Variants in MTDH observed in about 807,000 individuals in gnomAD.
The protein encoded by MTDH is protein LYRIC.
A neutral mutation model predicts 72.7 loss-of-function variants in MTDH; 34 were observed. The observed-to-expected ratio is 0.47, with a 90% CI of 0.36 to 0.62. The LOEUF (loss-of-function observed/expected upper bound fraction) is 0.62, where lower values mean the gene tolerates loss of function less well. MTDH is among the 20% of genes least tolerant of loss of function. The pLI is 0.00. For missense variants in MTDH, 677 were observed against 699.4 expected, an observed-to-expected ratio of 0.97 and a Z score of 0.36; for synonymous variants, 266 against 268.9, an observed-to-expected ratio of 0.99 and a Z score of 0.10.
rs1273015701 is a variant in MTDH at position 97,730,256 on chromosome 8, C to T, written c.*5586C>T. ...ATAATAAAATGAACACATCTGAAAC[C>T]ACCATTCTGCTCAAGAAATATAACA... On this transcript the variant is annotated 3_prime_UTR_variant, in exon 12 of 12. Coordinates refer to ENST00000336273, the MANE Select transcript of MTDH (RefSeq NM_178812.4). Among the ~76,000 whole-genome samples, 2 of 152,032 alleles carry T rather than the reference C, an allele frequency of 1.3e-5. No homozygotes were observed. The highest frequency in any genetic ancestry group is 4.8e-5 in the African/African-American group (2 of 41,408).
intron 2 of MTDH, among the ~76,000 whole-genome samples, chr8:97,669,668 G>C (rs1812533096): frequency 6.6e-6 from 1 of 151,890 alleles, no homozygotes; most frequent in Non-Finnish European, 1.5e-5. Flanking sequence ...TGTAATCCCA[G>C]CACTTTGGGA....
rs374958909 is a variant in MTDH at position 97,691,011 on chromosome 8, G to T, written c.871G>T (p.Val291Leu). The change falls in exon 6 of 12, where the codon GTA becomes TTA. Residue 291 changes from valine (V) to leucine (L), a missense_variant. Val to Leu is a conservative substitution (Grantham distance 32, BLOSUM62 1). Coordinates refer to ENST00000336273, the MANE Select transcript of MTDH (RefSeq NM_178812.4). ...VNGGGWNEKS[V>L]KLSSQISAGE... ...TGGAGGAGGCTGGAATGAAAAGTCT[G>T]TAAAACTCTCCTCACAGATCAGTGC... 1.6e-5 allele frequency: 26 copies of T among 1,613,926 alleles called. No individual in the cohort carries two copies. The highest frequency in any genetic ancestry group is 2.1e-5 in the Non-Finnish European group (25 of 1,179,952).
chr8:97,700,930 A>T (rs1814094532), intron 7 of MTDH, among the ~76,000 whole-genome samples: 1 of 152,124 alleles, frequency 6.6e-6, no homozygotes, highest in Admixed American at 6.6e-5. Flanking sequence ...ATTAAGGGAG[A>T]TGAGGAGAGA....
intron 6 of MTDH, among the ~76,000 whole-genome samples, chr8:97,694,064 C>T (rs577266984): frequency 3.9e-5 from 6 of 152,128 alleles, no homozygotes; most frequent in South Asian, 2.1e-4. Flanking sequence ...ATTAAACATA[C>T]GATTTTTTCT....
In MTDH at chr8:97,665,689, A is replaced by AT. The variant is rs1275569335; in HGVS notation, c.483+4518dup. Among the ~76,000 whole-genome samples, 10 of 152,336 alleles carry AT rather than the reference A, an allele frequency of 6.6e-5. No individual in the cohort carries two copies. The South Asian group carries it at 2.1e-3, about 32-fold the overall frequency. On this transcript the variant is annotated intron_variant, in intron 2 of 11. Transcript: ENST00000336273. ...ATGAACACAACCTGACATTATTTAG[A>AT]TTAAACAAATGGACATATTCAGACA...
rs371347805 is a variant in MTDH, at chr8:97,719,045, A to G, written c.1381-4A>G. 4.1e-5 allele frequency: 65 copies of G among 1,594,432 alleles called. No individual in the cohort carries two copies. The African/African-American group carries it at 4.2e-4, about 10-fold the overall frequency. ...ATAATCTAATAGGTTATTTTTCTCT[A>G]TAGGACACAGAAGAATTAGAAAAAG... On this transcript the variant is annotated splice_polypyrimidine_tract_variant and splice_region_variant and intron_variant, in intron 9 of 11. Coordinates refer to ENST00000336273, the MANE Select transcript of MTDH (RefSeq NM_178812.4).
intron 2 of MTDH, among the ~76,000 whole-genome samples, chr8:97,680,585 A>G (rs762121450): frequency 9.2e-5 from 14 of 152,216 alleles, no homozygotes; most frequent in African/African-American, 3.4e-4. Flanking sequence ...GGACTATACT[A>G]TAGCCTACTT....
intron 8 of MTDH, among the ~76,000 whole-genome samples, chr8:97,710,273 G>A (rs199545731): frequency 2.6e-5 from 4 of 152,214 alleles, no homozygotes; most frequent in African/African-American, 4.8e-5. Context: ...GAGAAATAGC[G>A]GTTACTAGAA....
chr8:97,682,268 A>ATG (rs1813158545), intron 2 of MTDH, among the ~76,000 whole-genome samples: 3 of 6,374 alleles, frequency 4.7e-4, no homozygotes, highest in Admixed American at 2.9e-3. Context: ...ATATATATAT[A>ATG]TATATATATA....
At chr8:97,670,659 T>C (rs888644976) in intron 2 of MTDH, among the ~76,000 whole-genome samples, 6 of 152,120 alleles carry the variant, frequency 3.9e-5, no homozygotes, top group African/African-American at 1.4e-4. Flanking sequence ...TGCCTGAAAC[T>C]GGATAATTTA....
At position 97,686,658 on chromosome 8, in the gene MTDH, T is replaced by A; in HGVS notation, c.484-10T>A. 6.6e-7 allele frequency: 1 copy of A among 1,525,742 alleles called. No individual in the cohort carries two copies. Among genetic ancestry groups the A allele is most frequent in the Non-Finnish European group, 8.9e-7 (1 of 1,128,964 alleles). The allele number at this position is 1,525,742 out of a possible 1,614,324, so 94.5% of individuals were successfully genotyped here. On this transcript the variant is annotated splice_polypyrimidine_tract_variant and intron_variant, in intron 2 of 11. Coordinates refer to ENST00000336273, the MANE Select transcript of MTDH (RefSeq NM_178812.4). ...ACAAAATATTAAGTAACATTCTATT[T>A]TACTTTCAGTCAAAGAAAAATAAGA... is the stretch of plus-strand genomic sequence containing the variant.
chr8:97,683,045 C>CTTTTTTTTTTTTTTTTTT lies in MTDH; in HGVS notation c.484-3603_484-3586dup, dbSNP rs71271144. On this transcript the variant is annotated intron_variant, in intron 2 of 11. Transcript: ENST00000336273. ...CTTTACCCTATGATGCTCTTAGACA[C>CTTTTTTTTTTTTTTTTTT]TTTTTTTTTTTTTTTTTTTTTTTTT... is the stretch of plus-strand genomic sequence containing the variant. Among the ~76,000 whole-genome samples, 5 of 44,386 alleles carry CTTTTTTTTTTTTTTTTTT rather than the reference C, an allele frequency of 1.1e-4. 2 individuals carry two copies. The highest frequency in any genetic ancestry group is 2.2e-4 in the Non-Finnish European group (5 of 22,954). The allele number at this position is 44,386 out of a possible 152,430, so 29.1% of individuals were successfully genotyped here.
intron 6 of MTDH, among the ~76,000 whole-genome samples, chr8:97,693,010 G>A (rs2131014659): frequency 6.6e-6 from 1 of 152,244 alleles, no homozygotes; most frequent in Admixed American, 6.5e-5. Flanking sequence ...GGGATTACAG[G>A]TGTGAGCCAC....
At chr8:97,650,850 C>T (rs1002093422) in intron 1 of MTDH, among the ~76,000 whole-genome samples, 3 of 152,226 alleles carry the variant, frequency 2.0e-5, no homozygotes, top group African/African-American at 7.2e-5. Flanking sequence ...CCACCTCAGC[C>T]TCCCGACTAC....
intron 6 of MTDH, among the ~76,000 whole-genome samples, chr8:97,698,801 G>T (rs1245804392): frequency 6.6e-6 from 1 of 152,138 alleles, no homozygotes; most frequent in African/African-American, 2.4e-5. Flanking sequence ...TTTCTATTGT[G>T]TTTTATTTTC....
rs1815279897 is a variant in MTDH at position 97,724,526 on chromosome 8, T to C, written c.1679-74T>C. Reference sequence around the variant, plus strand: ...AAACATTGTTTCATAGTTACTACTTTTATATTATTGAGACGTAACAGTATT... The same window carrying C: ...AAACATTGTTTCATAGTTACTACTTCTATATTATTGAGACGTAACAGTATT... On this transcript the variant is annotated intron_variant, in intron 11 of 11. Coordinates refer to ENST00000336273, the MANE Select transcript of MTDH (RefSeq NM_178812.4). The C allele has an allele frequency of 3.9e-6, 4 of 1,012,948 alleles. No individual in the cohort carries two copies. The South Asian group carries it at 4.9e-5, about 12-fold the overall frequency. 62.7% of individuals were successfully genotyped at this position (1,012,948 alleles called of 1,614,324 possible).
At chr8:97,665,514 C>T (rs183381411) in intron 2 of MTDH, among the ~76,000 whole-genome samples, 1 of 152,070 alleles carries the variant, frequency 6.6e-6, no homozygotes, top group Non-Finnish European at 1.5e-5. Context: ...TCTAGTAATA[C>T]AAGGCATTAA....
In MTDH at chr8:97,697,150, A is replaced by ATT. The variant is rs59102217; in HGVS notation, c.1049-2595_1049-2594dup. Among the ~76,000 whole-genome samples the ATT allele has an allele frequency of 3.3e-4, 23 of 68,780 alleles. 2 individuals carry two copies. Among genetic ancestry groups the ATT allele is most frequent in the Admixed American group, 7.9e-4 (5 of 6,360 alleles). The allele number at this position is 68,780 out of a possible 152,430, so 45.1% of individuals were successfully genotyped here. ...AAAAAATATATATATATATATATAT[A>ATT]TTTTTTTTTTGTGGACCCAGTTTAC... On this transcript the variant is annotated intron_variant, in intron 6 of 11. Coordinates refer to ENST00000336273, the MANE Select transcript of MTDH (RefSeq NM_178812.4).
chr8:97,659,269 TCTTC>T (rs1232716518), intron 1 of MTDH, among the ~76,000 whole-genome samples: 3 of 151,606 alleles, frequency 2.0e-5, no homozygotes, highest in Non-Finnish European at 4.4e-5. Context: ...ACTACCTCCC[TCTTC>T]CTTCCTTCCC....
Sources: gnomAD v4.1 joint callset for allele counts (sites outside exome capture counted in the v4.1 genomes callset) on GRCh38, gnomAD v4.1.1 for gene constraint, MANE v1.5 for transcripts, NCBI Gene and HGNC (gene_info 2026-07-23, HGNC 2026-07-21) for gene names.